The following APOD variants were observed in gnomAD, a reference collection of about 807,000 sequenced individuals.
The protein encoded by APOD is apo-D.
APOD carries 22 observed loss-of-function variants against 20.4 expected under a neutral mutation model. The observed-to-expected ratio is 1.08, with a 90% CI of 0.77 to 1.54. The LOEUF (loss-of-function observed/expected upper bound fraction) is 1.54. Among genes scored for constraint, APOD ranks in the 40% most tolerant of loss-of-function variants. The pLI is 0.00. For synonymous variants in APOD, 97 were observed against 92.4 expected, an observed-to-expected ratio of 1.05 and a Z score of -0.29; for missense variants, 223 against 229.6, an observed-to-expected ratio of 0.97 and a Z score of 0.19.
At chr3:195,576,025 G>A (rs543953737) in intron 2 of APOD, among the ~76,000 whole-genome samples, 7 of 152,256 alleles carry the variant, frequency 4.6e-5, no homozygotes, top group Admixed American at 1.3e-4. Flanking sequence ...CTTCAGCCAC[G>A]GCTTTCCGCT....
chr3:195,577,193 A>AAAAAG (rs1307504581), intron 2 of APOD: 1 of 359,570 alleles, frequency 2.8e-6, no homozygotes, highest in Admixed American at 4.2e-5. Context: ...TCTCAAAAAA[A>AAAAAG]AAAAGAAAAG....
chr3:195,575,087 C>T (rs1720227105), intron 2 of APOD, among the ~76,000 whole-genome samples: 1 of 152,208 alleles, frequency 6.6e-6, no homozygotes, highest in Non-Finnish European at 1.5e-5. Context: ...TCTGGGAGCT[C>T]TAGGGGAGGA....
chr3:195,573,840 A>G lies in APOD; in HGVS notation c.245+10T>C. ...CGCAGGCCTGGCCCCGGACGCCCAC[A>G]GCCACTCACCTCAACTCCTGGTTTA... is the stretch of plus-strand genomic sequence containing the variant. On this transcript the variant is annotated intron_variant, in intron 3 of 4. Coordinates refer to ENST00000343267, the MANE Select transcript of APOD (RefSeq NM_001647.4). The G allele has an allele frequency of 1.2e-6, 2 of 1,613,678 alleles. No homozygotes were observed. Among genetic ancestry groups the G allele is most frequent in the Non-Finnish European group, 1.7e-6 (2 of 1,179,754 alleles).
At position 195,575,647 on chromosome 3, in the gene APOD, G is replaced by T. The variant is rs779029177; in HGVS notation, c.124-1676C>A. On this transcript the variant is annotated intron_variant, in intron 2 of 4. Coordinates refer to ENST00000343267, the MANE Select transcript of APOD (RefSeq NM_001647.4). ...ATACTAATTAGAATTTTGTTTTTTT[G>T]AGATGGAGTCTCACTATGTCACCAG... Among the ~76,000 whole-genome samples the T allele has an allele frequency of 7.3e-4, 111 of 152,060 alleles. 2 individuals are homozygous for T. The highest frequency in any genetic ancestry group is 1.4e-3 in the Admixed American group (21 of 15,270).
chr3:195,573,936 TG>T lies in APOD; in HGVS notation c.158del (p.Pro53GlnfsTer16). On this transcript the variant is annotated frameshift_variant, in exon 3 of 5. Coordinates refer to ENST00000343267, the MANE Select transcript of APOD (RefSeq NM_001647.4). LOFTEE classifies it high-confidence loss of function. ...LGRWYEIEKI[P>X]TTFENGRCIQ... ...TGCAGCGTCCATTCTCAAAGGTTGT[TG>T]GGATCTTCTCAATTTCGTACCATCT... The T allele has an allele frequency of 6.2e-7, 1 of 1,614,176 alleles. No individual in the cohort carries two copies. The highest frequency in any genetic ancestry group is 8.5e-7 in the Non-Finnish European group (1 of 1,180,018).
Position 195,579,321 on chromosome 3 carries a change from G to A in APOD, c.123+18C>T, listed in dbSNP as rs775183506. 5 of 1,613,890 alleles carry A rather than the reference G, an allele frequency of 3.1e-6. No homozygotes were observed. The highest frequency in any genetic ancestry group is 1.7e-4 in the Middle Eastern group (1 of 6,060). On this transcript the variant is annotated intron_variant, in intron 2 of 4. Coordinates refer to ENST00000343267, the MANE Select transcript of APOD (RefSeq NM_001647.4). ...TCACAGCGGAGGCAGCAAAACAAAC[G>A]GGAGGTTCGCCTTTTACCTTATTCA...
chr3:195,582,550 G>T (rs1486278296), intron 1 of APOD: 3 of 152,302 alleles, frequency 2.0e-5, no homozygotes, highest in Middle Eastern at 3.4e-3. Flanking sequence ...AGACCAGCCT[G>T]GCCAACATGG....
intron 3 of APOD, among the ~76,000 whole-genome samples, chr3:195,572,809 A>G (rs771433881): frequency 1.3e-5 from 2 of 152,122 alleles, no homozygotes; most frequent in Non-Finnish European, 2.9e-5. Flanking sequence ...TCAGGAGATC[A>G]AGACCAGCCT....
intron 2 of APOD, 41 bp downstream of exon 2, chr3:195,579,298 A>T (rs1720294676): frequency 6.2e-7 from 1 of 1,612,142 alleles, no homozygotes; most frequent in South Asian, 1.1e-5. Context: ...ACGCTTATTC[A>T]CAGCGGAGGC....
intron 4 of APOD, 192 bp downstream of exon 4, chr3:195,571,085 C>A: frequency 4.9e-6 from 3 of 612,454 alleles, no homozygotes; most frequent in Non-Finnish European, 8.8e-6. Context: ...TCCATAAGTA[C>A]CAAGGCCAGC....
chr3:195,573,754 C>G, intron 3 of APOD, 96 bp downstream of exon 3: 1 of 1,485,558 alleles, frequency 6.7e-7, no homozygotes, highest in Non-Finnish European at 9.1e-7. Context: ...CCCGATCCAG[C>G]AAGGTTCCCA....
rs764009159 is a variant in APOD at position 195,573,936 on chromosome 3, T to G, written c.159A>C (p.Pro53=). 2 of 1,614,176 alleles carry G rather than the reference T, an allele frequency of 1.2e-6. No individual in the cohort carries two copies. Among genetic ancestry groups the G allele is most frequent in the South Asian group, 2.2e-5 (2 of 91,084 alleles). The part of the protein sequence containing the change: ...LGRWYEIEKI[P]TTFENGRCIQ... The stretch of plus-strand genomic sequence containing the variant: ...TGCAGCGTCCATTCTCAAAGGTTGT[T>G]GGGATCTTCTCAATTTCGTACCATC... The change falls in exon 3 of 5, where the codon CCA becomes CCC. Residue 53 remains proline (P), a synonymous_variant. Transcript: ENST00000343267.
intron 4 of APOD, chr3:195,570,451 A>T (rs989764177): frequency 7.9e-5 from 12 of 152,224 alleles, no homozygotes; most frequent in African/African-American, 2.9e-4. Flanking sequence ...ATAGTGTGAG[A>T]AGAACTGTTT....
chr3:195,573,075 A>C (rs1189620294), intron 3 of APOD, among the ~76,000 whole-genome samples: 1 of 152,170 alleles, frequency 6.6e-6, no homozygotes, highest in Non-Finnish European at 1.5e-5. Flanking sequence ...TTCTATCTGC[A>C]TACGTTAACT....
In APOD at chr3:195,574,826, C is replaced by T. The variant is rs1300876838; in HGVS notation, c.124-855G>A. 2.0e-5 allele frequency among the ~76,000 whole-genome samples: 3 copies of T among 152,136 alleles called. No homozygotes were observed. In the East Asian group the frequency reaches 5.8e-4, roughly 29 times the overall value. ...ATATCCAGACAATGGAATTTTACTT[C>T]CTCTTTCAAAAGAGTGGTATGCAGT... is the stretch of plus-strand genomic sequence containing the variant. On this transcript the variant is annotated intron_variant, in intron 2 of 4. Coordinates refer to ENST00000343267, the MANE Select transcript of APOD (RefSeq NM_001647.4).
At chr3:195,578,340 A>G (rs1035213078) in intron 2 of APOD, among the ~76,000 whole-genome samples, 1 of 152,126 alleles carries the variant, frequency 6.6e-6, no homozygotes, top group Non-Finnish European at 1.5e-5. Context: ...TCCTGATCCC[A>G]TGGATGGTGC....
At chr3:195,577,996 ACT>A (rs530957420) in intron 2 of APOD, among the ~76,000 whole-genome samples, 77 of 149,224 alleles carry the variant, frequency 5.2e-4, no homozygotes, top group African/African-American at 1.8e-3. Flanking sequence ...TGGTTGCGTA[ACT>A]CTGTGATGAT....
At chr3:195,577,900 G>T (rs1720272429) in intron 2 of APOD, among the ~76,000 whole-genome samples, 1 of 152,186 alleles carries the variant, frequency 6.6e-6, no homozygotes, top group African/African-American at 2.4e-5. Flanking sequence ...GGGCTGGAAG[G>T]GTTGGAGGGG....
intron 4 of APOD, among the ~76,000 whole-genome samples, chr3:195,569,390 G>A (rs1720119919): frequency 1.3e-5 from 2 of 152,142 alleles, no homozygotes; most frequent in Non-Finnish European, 2.9e-5. Flanking sequence ...GAGACAGAGA[G>A]AGAGAGAGAG....
Sources: gnomAD v4.1 joint callset for allele counts (sites outside exome capture counted in the v4.1 genomes callset) on GRCh38, gnomAD v4.1.1 for gene constraint, MANE v1.5 for transcripts, NCBI Gene and HGNC (gene_info 2026-07-23, HGNC 2026-07-21) for gene names.